MB21D2: variants seen among roughly 807,000 people sequenced by gnomAD.
MB21D2 encodes Mab-21 domain containing 2.
MB21D2 carries 9 observed loss-of-function variants against 33.3 expected under a neutral mutation model. That is an observed-to-expected ratio of 0.27 (90% CI 0.16 to 0.47). The LOEUF (loss-of-function observed/expected upper bound fraction) is 0.47, where lower values mean the gene tolerates loss of function less well. Among genes scored for constraint, MB21D2 ranks in the 20% least tolerant of loss-of-function variants. MB21D2 has a pLI of 0.99. For missense variants in MB21D2, 540 were observed against 624.6 expected (o/e 0.86, Z 1.44); for synonymous variants, 241 against 236.3 (o/e 1.02, Z -0.18).
rs184006752 is a variant in MB21D2 at position 192,856,828 on chromosome 3, C to T, written c.212-57178G>A. Among the ~76,000 whole-genome samples, 221 of 152,298 alleles carry T rather than the reference C, an allele frequency of 1.5e-3. No homozygotes were observed. In the South Asian group the frequency reaches 0.015, roughly 10 times the overall value. ...TGGGCCTCCGAAAGTGTTGGGATTA[C>T]AGGTGTGAGCCACTGTGCCTGGCCA... On this transcript the variant is annotated intron_variant, in intron 1 of 1. Coordinates refer to ENST00000392452, the MANE Select transcript of MB21D2 (RefSeq NM_178496.4).
intron 1 of MB21D2, among the ~76,000 whole-genome samples, chr3:192,844,595 C>A (rs1243933453): frequency 6.6e-6 from 1 of 152,248 alleles, no homozygotes; most frequent in Non-Finnish European, 1.5e-5. Flanking sequence ...TGATATCTCT[C>A]CCCTCTGGCA....
intron 1 of MB21D2, among the ~76,000 whole-genome samples, chr3:192,876,735 C>T (rs1049342649): frequency 2.0e-5 from 3 of 152,158 alleles, no homozygotes; most frequent in African/African-American, 7.2e-5. Context: ...GGGTTCATGG[C>T]CTTTGAACAT....
chr3:192,798,031 T>A lies in MB21D2; in HGVS notation c.*355A>T, dbSNP rs1720558717. On this transcript the variant is annotated 3_prime_UTR_variant, in exon 2 of 2. Transcript: ENST00000392452. This position sits in a 1 kb window ranked among gnomAD's most constrained non-coding sequence, Gnocchi z 4.8. Reference sequence around the variant, plus strand: ...GAATCGTTAAGCATCAGAAAGAGATTTGTTTCCCCATACCCATGAACAAAT... The same window carrying A: ...GAATCGTTAAGCATCAGAAAGAGATATGTTTCCCCATACCCATGAACAAAT... 5.5e-6 allele frequency: 1 copy of A among 182,936 alleles called. No individual in the cohort carries two copies. The highest frequency in any genetic ancestry group is 1.4e-4 in the East Asian group (1 of 7,116). The allele number at this position is 182,936 out of a possible 1,614,324, so 11.3% of individuals were successfully genotyped here.
chr3:192,839,971 C>A (rs1712531940), intron 1 of MB21D2, among the ~76,000 whole-genome samples: 1 of 150,902 alleles, frequency 6.6e-6, no homozygotes, highest in Non-Finnish European at 1.5e-5. Flanking sequence ...CACCCCACAG[C>A]CACTGCAGGT....
chr3:192,865,089 C>T (rs1349843007), intron 1 of MB21D2, among the ~76,000 whole-genome samples: 1 of 152,248 alleles, frequency 6.6e-6, no homozygotes, highest in Non-Finnish European at 1.5e-5. Flanking sequence ...ATGAAAGTAA[C>T]AGCTGCTTCT....
chr3:192,912,406 C>G (rs1346438823), intron 1 of MB21D2, among the ~76,000 whole-genome samples: 1 of 152,180 alleles, frequency 6.6e-6, no homozygotes, highest in Non-Finnish European at 1.5e-5. Flanking sequence ...TGGTGGCTTA[C>G]GCCTGTAATC....
chr3:192,846,122 G>A (rs1484363250), intron 1 of MB21D2, among the ~76,000 whole-genome samples: 2 of 152,070 alleles, frequency 1.3e-5, no homozygotes, highest in African/African-American at 2.4e-5. Context: ...CTTTAGCCAA[G>A]TCACTGAAAC....
At chr3:192,855,080 T>C (rs1712886618) in intron 1 of MB21D2, among the ~76,000 whole-genome samples, 1 of 152,008 alleles carries the variant, frequency 6.6e-6, no homozygotes, top group Non-Finnish European at 1.5e-5. Context: ...CTCAGATGAT[T>C]ATCAGCATTT....
At chr3:192,811,342 T>C (rs1444182136) in intron 1 of MB21D2, among the ~76,000 whole-genome samples, 1 of 152,198 alleles carries the variant, frequency 6.6e-6, no homozygotes, top group Admixed American at 6.5e-5. Context: ...AGCAGAGTAA[T>C]TCTTGTTTCT....
intron 1 of MB21D2, among the ~76,000 whole-genome samples, chr3:192,833,294 A>G (rs1712361878): frequency 6.6e-6 from 1 of 152,216 alleles, no homozygotes. Flanking sequence ...GAGACTAAAC[A>G]AAAAATAATT....
At chr3:192,880,989 A>C (rs1378491119) in intron 1 of MB21D2, among the ~76,000 whole-genome samples, 1 of 152,070 alleles carries the variant, frequency 6.6e-6, no homozygotes, top group Non-Finnish European at 1.5e-5. Context: ...ATATATATTT[A>C]TATACACATC....
intron 1 of MB21D2, among the ~76,000 whole-genome samples, chr3:192,903,800 G>T (rs1018905587): frequency 7.9e-5 from 12 of 152,310 alleles, no homozygotes; most frequent in Admixed American, 6.5e-4. Flanking sequence ...GAGCTGTTGA[G>T]AGATCTGGTC....
At chr3:192,808,413 G>C (rs987909044) in intron 1 of MB21D2, among the ~76,000 whole-genome samples, 5 of 152,212 alleles carry the variant, frequency 3.3e-5, no homozygotes, top group East Asian at 1.9e-4. Context: ...AAGGCTATGA[G>C]AGCCATCTTC....
intron 1 of MB21D2, among the ~76,000 whole-genome samples, chr3:192,898,948 A>G (rs1050623758): frequency 6.6e-6 from 1 of 152,212 alleles, no homozygotes; most frequent in Non-Finnish European, 1.5e-5. Context: ...AGGATGTGCT[A>G]TTTTCAAAGA....
intron 1 of MB21D2, among the ~76,000 whole-genome samples, chr3:192,847,318 G>A (rs982983029): frequency 2.6e-5 from 4 of 152,026 alleles, no homozygotes; most frequent in African/African-American, 9.7e-5. Flanking sequence ...CAATCATTTG[G>A]GACATGCTTG....
At chr3:192,906,011 C>T (rs1714208732) in intron 1 of MB21D2, among the ~76,000 whole-genome samples, 1 of 152,130 alleles carries the variant, frequency 6.6e-6, no homozygotes, top group Admixed American at 6.5e-5. Context: ...ATAATACTTA[C>T]TTCCTAGGGT....
chr3:192,902,907 C>T (rs976097333), intron 1 of MB21D2, among the ~76,000 whole-genome samples: 4 of 152,204 alleles, frequency 2.6e-5, no homozygotes, highest in African/African-American at 7.2e-5. Flanking sequence ...CTATTCAAAG[C>T]TGTGGAAACA....
At chr3:192,888,078 T>C (rs1055670316) in intron 1 of MB21D2, among the ~76,000 whole-genome samples, 1 of 152,046 alleles carries the variant, frequency 6.6e-6, no homozygotes, top group Non-Finnish European at 1.5e-5. Flanking sequence ...TGCTCCTCCG[T>C]TCTGGGAAAA....
chr3:192,857,868 TAATCCCAGC>T (rs1712952574), intron 1 of MB21D2, among the ~76,000 whole-genome samples: 1 of 152,154 alleles, frequency 6.6e-6, no homozygotes, highest in Non-Finnish European at 1.5e-5. Context: ...CTCACACCTG[TAATCCCAGC>T]ACTTTGAGAG....
Sources: gnomAD v4.1 joint callset for allele counts (sites outside exome capture counted in the v4.1 genomes callset) on GRCh38, gnomAD v4.1.1 for gene constraint, Gnocchi (gnomAD v3.1) non-coding constraint, MANE v1.5 for transcripts, NCBI Gene and HGNC (gene_info 2026-07-23, HGNC 2026-07-21) for gene names.